The following GABRB1 variants were observed in gnomAD, a reference collection of about 807,000 sequenced individuals.
GABRB1 encodes gamma-aminobutyric acid type A receptor subunit beta1.
Under a neutral mutation model 51.6 loss-of-function variants are expected in GABRB1, and 17 were observed. The observed-to-expected ratio is 0.33, with a 90% confidence interval of 0.23 to 0.49. GABRB1 has a LOEUF of 0.49. Among genes scored for constraint, GABRB1 ranks in the 20% least tolerant of loss-of-function variants. The pLI, the probability that GABRB1 is intolerant of heterozygous loss-of-function variation, is 0.99. For missense variants in GABRB1, 410 were observed against 600.6 expected (o/e 0.68, Z 3.32); for synonymous variants, 247 against 218.9 (o/e 1.13, Z -1.14).
chr4:47,136,965 G>A (rs1480245749), intron 3 of GABRB1, among the ~76,000 whole-genome samples: 1 of 152,032 alleles, frequency 6.6e-6, no homozygotes, highest in Non-Finnish European at 1.5e-5. Flanking sequence ...TCAAGCACCT[G>A]CAAAGAAGTA....
At chr4:47,381,414 G>A (rs1727594483) in intron 5 of GABRB1, among the ~76,000 whole-genome samples, 1 of 152,148 alleles carries the variant, frequency 6.6e-6, no homozygotes, top group Non-Finnish European at 1.5e-5. Context: ...CATCCATGCT[G>A]CATCTTCCAA....
chr4:47,420,192 T>TTC (rs1262638782), intron 8 of GABRB1, among the ~76,000 whole-genome samples: 1 of 152,134 alleles, frequency 6.6e-6, no homozygotes, highest in Admixed American at 6.5e-5. Flanking sequence ...CACTGCACCC[T>TTC]CTTAGGAAGC....
chr4:47,044,580 T>C (rs1315566269), intron 3 of GABRB1, among the ~76,000 whole-genome samples: 2 of 152,048 alleles, frequency 1.3e-5, no homozygotes, highest in Non-Finnish European at 2.9e-5. Flanking sequence ...TATATATGAT[T>C]ATATGCTCTG....
chr4:47,049,371 G>C (rs1726244151), intron 3 of GABRB1, among the ~76,000 whole-genome samples: 1 of 152,178 alleles, frequency 6.6e-6, no homozygotes, highest in Non-Finnish European at 1.5e-5. Flanking sequence ...CATGCCAACT[G>C]TTTCTTGAGG....
At chr4:47,344,157 C>A (rs1323900979) in intron 5 of GABRB1, among the ~76,000 whole-genome samples, 2 of 152,136 alleles carry the variant, frequency 1.3e-5, no homozygotes, top group African/African-American at 4.8e-5. Flanking sequence ...TCTTCTAATT[C>A]TGGATATGAT....
chr4:47,224,822 C>T (rs1335687657), intron 4 of GABRB1, among the ~76,000 whole-genome samples: 1 of 152,146 alleles, frequency 6.6e-6, no homozygotes, highest in Non-Finnish European at 1.5e-5. Flanking sequence ...TGTTCTTCCT[C>T]TTGTAATGAC....
At chr4:46,996,414 A>G (rs943452918) in intron 1 of GABRB1, among the ~76,000 whole-genome samples, 4 of 152,180 alleles carry the variant, frequency 2.6e-5, no homozygotes, top group African/African-American at 9.6e-5. Context: ...AGATGCAAAT[A>G]ATACAGATAA....
intron 4 of GABRB1, among the ~76,000 whole-genome samples, chr4:47,195,437 TAGATAGATGATAGATAGATTAGATG>T (rs1719629364): frequency 8.3e-6 from 1 of 120,526 alleles, no homozygotes; most frequent in Non-Finnish European, 1.7e-5. Context: ...GATAGATAGA[TAGATAGATGATAGATAGATTAGATG>T]ATAGATAGAT....
intron 4 of GABRB1, among the ~76,000 whole-genome samples, chr4:47,276,578 A>G (rs1723084405): frequency 6.6e-6 from 1 of 152,104 alleles, no homozygotes; most frequent in African/African-American, 2.4e-5. Context: ...TATCCTCACA[A>G]AAGCCTAATG....
At chr4:47,119,529 A>T (rs1715665643) in intron 3 of GABRB1, among the ~76,000 whole-genome samples, 1 of 144,794 alleles carries the variant, frequency 6.9e-6, no homozygotes. Context: ...TTTTTTTGAG[A>T]CTGAGTTTCG....
chr4:47,025,217 G>A (rs1725054497), intron 1 of GABRB1, among the ~76,000 whole-genome samples: 2 of 151,468 alleles, frequency 1.3e-5, no homozygotes, highest in Admixed American at 1.3e-4. Context: ...GCGTGTGCAA[G>A]TATCTTTTTC....
intron 1 of GABRB1, among the ~76,000 whole-genome samples, chr4:47,010,785 G>C (rs1388034566): frequency 6.6e-6 from 1 of 152,162 alleles, no homozygotes; most frequent in African/African-American, 2.4e-5. Flanking sequence ...GGGTTTCAGT[G>C]TCATTTGCAA....
intron 3 of GABRB1, among the ~76,000 whole-genome samples, chr4:47,117,928 A>T (rs1197893232): frequency 3.3e-5 from 5 of 152,212 alleles, no homozygotes; most frequent in African/African-American, 1.2e-4. Context: ...CATTTGTTAC[A>T]TAGGCTTTCT....
chr4:47,157,846 C>T (rs1259126069), intron 3 of GABRB1, among the ~76,000 whole-genome samples: 1 of 152,048 alleles, frequency 6.6e-6, no homozygotes, highest in African/African-American at 2.4e-5. Context: ...GATTAGGCTA[C>T]TAACTCCAGA....
At chr4:47,033,048 A>C in intron 3 of GABRB1, 1 of 270,754 alleles carries the variant, frequency 3.7e-6, no homozygotes, top group East Asian at 8.8e-5. Flanking sequence ...TGCTAGTAGG[A>C]AAAGTGCCCG....
At chr4:47,423,928 AT>A (rs1729178214) in intron 8 of GABRB1, among the ~76,000 whole-genome samples, 1 of 152,220 alleles carries the variant, frequency 6.6e-6, no homozygotes, top group Non-Finnish European at 1.5e-5. Context: ...GTAGAATTCA[AT>A]AAATTGTAGT....
At chr4:47,275,692 CG>C (rs1394354371) in intron 4 of GABRB1, among the ~76,000 whole-genome samples, 1 of 152,140 alleles carries the variant, frequency 6.6e-6, no homozygotes, top group Non-Finnish European at 1.5e-5. Context: ...AACCACCAGA[CG>C]CCTTGTCTGA....
chr4:47,414,243 A>G (rs959491691), intron 8 of GABRB1, among the ~76,000 whole-genome samples: 6 of 152,178 alleles, frequency 3.9e-5, no homozygotes, highest in Non-Finnish European at 5.9e-5. Flanking sequence ...ATGAGTGCCT[A>G]TGACACAGCC....
intron 3 of GABRB1, among the ~76,000 whole-genome samples, chr4:47,160,443 A>G (rs1215881194): frequency 6.6e-6 from 1 of 152,158 alleles, no homozygotes; most frequent in Non-Finnish European, 1.5e-5. Context: ...ATAAGGGCAA[A>G]TTGATAACCT....
Sources: allele counts gnomAD v4.1 joint callset (sites outside exome capture counted in the v4.1 genomes callset), GRCh38; gene constraint gnomAD v4.1.1; transcripts MANE v1.5; gene names NCBI Gene and HGNC (gene_info 2026-07-23, HGNC 2026-07-21).